The following TINAG variants were observed in gnomAD, a reference collection of about 807,000 sequenced individuals.
The protein encoded by TINAG is tubulointerstitial nephritis antigen.
TINAG carries 83 observed loss-of-function variants against 72.7 expected under a neutral mutation model. That is an observed-to-expected ratio of 1.14 (90% confidence interval 0.96 to 1.37). The LOEUF (loss-of-function observed/expected upper bound fraction) is 1.37. Ranked by LOEUF, TINAG falls within the 40% of genes most tolerant of loss-of-function variation. The pLI is 0.00. For synonymous variants in TINAG, 234 were observed against 189.9 expected (o/e 1.23, Z -1.91); for missense variants, 685 against 576.6 (o/e 1.19, Z -1.93).
At chr6:54,365,497 C>T (rs1208487021) in intron 9 of TINAG, 2 of 151,404 alleles carry the variant, frequency 1.3e-5, no homozygotes, top group Non-Finnish European at 3.0e-5. Context: ...CTGTGAGGGT[C>T]ACATGTTGTG....
intron 4 of TINAG, among the ~76,000 whole-genome samples, chr6:54,331,726 A>G (rs1784747073): frequency 6.6e-6 from 1 of 152,150 alleles, no homozygotes; most frequent in African/African-American, 2.4e-5. Flanking sequence ...TTTCAGCCCC[A>G]AATCTCCTTA....
In TINAG at chr6:54,380,515, A is replaced by T; in HGVS notation, c.1251-11A>T. ...AACCATACCAATCTTTATTATTGTTATTAATTGTAGATGGGGCACACTGAG... is the reference window on the plus strand; with the variant it reads ...AACCATACCAATCTTTATTATTGTTTTTAATTGTAGATGGGGCACACTGAG... On this transcript the variant is annotated splice_polypyrimidine_tract_variant and intron_variant, in intron 9 of 10. Coordinates refer to ENST00000259782, the MANE Select transcript of TINAG (RefSeq NM_014464.4). 1 of 1,606,102 alleles carries T rather than the reference A, an allele frequency of 6.2e-7. No individual in the cohort carries two copies. Among genetic ancestry groups the T allele is most frequent in the Non-Finnish European group, 8.5e-7 (1 of 1,175,408 alleles).
At chr6:54,309,132 G>A (rs1482533440) in intron 1 of TINAG, among the ~76,000 whole-genome samples, 1 of 152,090 alleles carries the variant, frequency 6.6e-6, no homozygotes, top group African/African-American at 2.4e-5. Context: ...ACAGTCCTGC[G>A]TGCTGATCGG....
At chr6:54,333,053 A>G (rs2150946657) in intron 4 of TINAG, among the ~76,000 whole-genome samples, 1 of 152,290 alleles carries the variant, frequency 6.6e-6, no homozygotes, top group East Asian at 1.9e-4. Context: ...TGTGGGAGGC[A>G]GTGGGGCAGT....
intron 9 of TINAG, among the ~76,000 whole-genome samples, chr6:54,365,831 T>C (rs1582745626): frequency 6.6e-6 from 1 of 151,702 alleles, no homozygotes; most frequent in Non-Finnish European, 1.5e-5. Flanking sequence ...GTTCTCTCTT[T>C]AGAGAGTCTT....
Position 54,314,800 on chromosome 6 carries a change from A to G in TINAG, c.356-5779A>G, listed in dbSNP as rs3777658. 0.024 allele frequency among the ~76,000 whole-genome samples: 3,666 copies of G among 152,204 alleles called. 269 individuals are homozygous for G. The East Asian group carries it at 0.3, about 12-fold the overall frequency. On this transcript the variant is annotated intron_variant, in intron 1 of 10. Transcript: ENST00000259782. ...AGTAGTTGCTACTTCTTCAATATCC[A>G]TTTTTGCTTGAGAGGTAGAATTTTG...
At chr6:54,334,724 A>G (rs562119698) in intron 4 of TINAG, among the ~76,000 whole-genome samples, 1 of 152,296 alleles carries the variant, frequency 6.6e-6, no homozygotes, top group East Asian at 1.9e-4. Flanking sequence ...GAATTGGCCA[A>G]TGCTAATTGG....
intron 9 of TINAG, among the ~76,000 whole-genome samples, chr6:54,371,046 G>A (rs948060669): frequency 2.6e-5 from 4 of 151,934 alleles, no homozygotes; most frequent in Non-Finnish European, 4.4e-5. Flanking sequence ...TTGTAGGAAT[G>A]TTGTTTTTAA....
chr6:54,374,825 C>T (rs1400605169), intron 9 of TINAG, among the ~76,000 whole-genome samples: 2 of 152,012 alleles, frequency 1.3e-5, no homozygotes, highest in Non-Finnish European at 2.9e-5. Flanking sequence ...TATATTTGCT[C>T]CTTGTTTTGC....
intron 4 of TINAG, among the ~76,000 whole-genome samples, chr6:54,331,075 G>T (rs764127721): frequency 1.3e-5 from 2 of 152,068 alleles, no homozygotes; most frequent in Admixed American, 6.6e-5. Flanking sequence ...CTAAACAATA[G>T]AAAAAGAGTG....
At position 54,308,593 on chromosome 6, in the gene TINAG, A is replaced by G. The variant is rs753494073; in HGVS notation, c.43A>G (p.Thr15Ala). The change falls in exon 1 of 11, where the codon ACA becomes GCA. Residue 15 changes from threonine to alanine, a missense_variant. Transcript: ENST00000259782. Reference sequence around the variant, plus strand: ...GATCTTAATCTTCTCTTATCTTACTACAGAAATCTGGATGGAGAAGCAGTA... The same window carrying G: ...GATCTTAATCTTCTCTTATCTTACTGCAGAAATCTGGATGGAGAAGCAGTA... ...YKILIFSYLT[T>A]EIWMEKQYLS... 1.9e-6 allele frequency: 3 copies of G among 1,613,302 alleles called. No homozygotes were observed. Among genetic ancestry groups the G allele is most frequent in the Non-Finnish European group, 2.5e-6 (3 of 1,179,682 alleles).
chr6:54,360,869 T>TTTTTTTTTTTTTTTTTTTTTG (rs1763213431), intron 9 of TINAG, among the ~76,000 whole-genome samples: 1 of 131,524 alleles, frequency 7.6e-6, no homozygotes, highest in Non-Finnish European at 1.6e-5. Flanking sequence ...TTTTTTTTTT[T>TTTTTTTTTTTTTTTTTTTTTG]TTTCAAATTG....
chr6:54,372,270 G>A (rs1260919449), intron 9 of TINAG, among the ~76,000 whole-genome samples: 1 of 152,032 alleles, frequency 6.6e-6, no homozygotes, highest in African/African-American at 2.4e-5. Flanking sequence ...GGGATTACAG[G>A]TGTGAGCCAC....
intron 9 of TINAG, among the ~76,000 whole-genome samples, chr6:54,377,645 T>C (rs1439316168): frequency 2.0e-5 from 3 of 152,156 alleles, no homozygotes; most frequent in African/African-American, 7.2e-5. Flanking sequence ...TAGTTATATT[T>C]AGAGCAAATA....
rs754752082 is a variant in TINAG, at chr6:54,343,245, C to G, written c.644C>G (p.Thr215Ser). ...NEMTASLPAT[T>S]DLPEFFVASY... ...CTTTAGGCTTCTTTACCTGCAACAA[C>G]TGATCTTCCAGAGTTTTTTGTTGCT... Residue 215 changes from threonine (T) to serine (S), a missense_variant, in exon 5 of 11, where the codon ACT becomes AGT. Transcript: ENST00000259782. 2 of 1,571,808 alleles carry G rather than the reference C, an allele frequency of 1.3e-6. No homozygotes were observed. The highest frequency in any genetic ancestry group is 1.8e-5 in the Admixed American group (1 of 57,036).
chr6:54,384,267 G>A (rs1364348176), intron 10 of TINAG, among the ~76,000 whole-genome samples: 3 of 151,982 alleles, frequency 2.0e-5, no homozygotes, highest in Non-Finnish European at 1.5e-5. Flanking sequence ...ATGAGTTGAT[G>A]GGTGCAGAAA....
At chr6:54,372,759 TATA>T (rs1320936410) in intron 9 of TINAG, among the ~76,000 whole-genome samples, 3 of 37,028 alleles carry the variant, frequency 8.1e-5, no homozygotes, top group African/African-American at 5.1e-4. Context: ...TATATATATA[TATA>T]TATATATATA....
At chr6:54,361,852 T>C (rs1026777004) in intron 9 of TINAG, among the ~76,000 whole-genome samples, 1 of 151,504 alleles carries the variant, frequency 6.6e-6, no homozygotes, top group Non-Finnish European at 1.5e-5. Flanking sequence ...ATTGCTGAAA[T>C]AGAAAAAGTT....
At position 54,354,947 on chromosome 6, in the gene TINAG, A is replaced by T. The variant is rs576585636; in HGVS notation, c.1250+311A>T. On this transcript the variant is annotated intron_variant, in intron 9 of 10. Transcript: ENST00000259782. The stretch of plus-strand genomic sequence containing the variant: ...TAAGGCATAATCAAGGGAAGAGAGC[A>T]AATCCAAGGCGTATTATGGTTTGGG... 9.3e-4 allele frequency among the ~76,000 whole-genome samples: 141 copies of T among 152,008 alleles called. 1 individual carries two copies. The highest frequency in any genetic ancestry group is 3.3e-3 in the African/African-American group (138 of 41,542).
Sources: gnomAD v4.1 joint callset for allele counts (sites outside exome capture counted in the v4.1 genomes callset) on GRCh38, gnomAD v4.1.1 for gene constraint, MANE v1.5 for transcripts, NCBI Gene and HGNC (gene_info 2026-07-23, HGNC 2026-07-21) for gene names.